The following NELL1 variants were observed in gnomAD, a reference collection of about 807,000 sequenced individuals.
NELL1 encodes protein kinase C-binding protein NELL1.
NELL1 carries 76 observed loss-of-function variants against 107.4 expected under a neutral mutation model. The ratio of observed to expected loss-of-function variants is 0.71; its 90% CI spans 0.59 to 0.86. The LOEUF (loss-of-function observed/expected upper bound fraction) is 0.86. Among genes scored for constraint, NELL1 ranks in the 40% least tolerant of loss-of-function variants. The pLI is 0.00. For synonymous variants in NELL1, 353 were observed against 341.2 expected (o/e 1.03, Z -0.38); for missense variants, 1,024 against 1,005.5 (o/e 1.02, Z -0.25).
chr11:21,559,922 G>C (rs1856808777), intron 16 of NELL1, among the ~76,000 whole-genome samples: 1 of 152,084 alleles, frequency 6.6e-6, no homozygotes. Flanking sequence ...TCTCAGATCA[G>C]CCACTTACTA....
intron 14 of NELL1, among the ~76,000 whole-genome samples, chr11:21,237,973 C>A (rs1336528923): frequency 2.0e-5 from 3 of 152,060 alleles, no homozygotes; most frequent in Admixed American, 6.6e-5. Flanking sequence ...CAGTCCCAAC[C>A]TCTTCCCTGA....
At chr11:21,555,021 C>T (rs1856672774) in intron 16 of NELL1, among the ~76,000 whole-genome samples, 1 of 152,008 alleles carries the variant, frequency 6.6e-6, no homozygotes, top group African/African-American at 2.4e-5. Flanking sequence ...TTAGGATATA[C>T]AAATATTTTT....
At chr11:20,722,017 C>T (rs948816899) in intron 2 of NELL1, among the ~76,000 whole-genome samples, 1 of 138,514 alleles carries the variant, frequency 7.2e-6, no homozygotes, top group African/African-American at 2.6e-5. Context: ...TTCTGAGTCT[C>T]TCTTTTTTTT....
chr11:21,550,436 A>G (rs1856551585), intron 16 of NELL1, among the ~76,000 whole-genome samples: 1 of 151,980 alleles, frequency 6.6e-6, no homozygotes, highest in African/African-American at 2.4e-5. Flanking sequence ...CCTGAATGGT[A>G]ATACCTAGGT....
chr11:20,795,190 A>T (rs1857146650), intron 3 of NELL1, among the ~76,000 whole-genome samples: 1 of 152,188 alleles, frequency 6.6e-6, no homozygotes, highest in Non-Finnish European at 1.5e-5. Flanking sequence ...ACGAGGAGTG[A>T]ACTTCTTGGC....
chr11:21,202,379 T>C (rs1266360873), intron 13 of NELL1, among the ~76,000 whole-genome samples: 1 of 152,232 alleles, frequency 6.6e-6, no homozygotes, highest in Non-Finnish European at 1.5e-5. Flanking sequence ...CAGGAATTTA[T>C]CTATTTCTTC....
intron 14 of NELL1, among the ~76,000 whole-genome samples, chr11:21,280,852 C>A (rs1565145833): frequency 6.6e-6 from 1 of 152,004 alleles, no homozygotes; most frequent in Non-Finnish European, 1.5e-5. Context: ...ATTTAAGGTT[C>A]CAAAGCCTAG....
intron 3 of NELL1, among the ~76,000 whole-genome samples, chr11:20,796,673 T>A (rs1053618469): frequency 6.6e-6 from 1 of 152,154 alleles, no homozygotes. Context: ...AGCTGTCTTG[T>A]CAGCATCATT....
At chr11:21,338,217 T>C (rs897930811) in intron 14 of NELL1, among the ~76,000 whole-genome samples, 5 of 152,160 alleles carry the variant, frequency 3.3e-5, no homozygotes, top group African/African-American at 1.2e-4. Flanking sequence ...TGGGAATTGA[T>C]TGAATATTGT....
intron 12 of NELL1, among the ~76,000 whole-genome samples, chr11:21,052,646 C>A (rs573191718): frequency 1.3e-4 from 20 of 152,090 alleles, no homozygotes; most frequent in Non-Finnish European, 2.8e-4. Flanking sequence ...ATATTTGGGA[C>A]TCTGGAGAGT....
intron 14 of NELL1, among the ~76,000 whole-genome samples, chr11:21,354,713 T>G (rs2133726214): frequency 6.6e-6 from 1 of 152,350 alleles, no homozygotes; most frequent in South Asian, 2.1e-4. Flanking sequence ...TCTTGAGAAC[T>G]CTGGTCCACC....
intron 4 of NELL1, among the ~76,000 whole-genome samples, chr11:20,854,348 G>T (rs909968038): frequency 6.6e-6 from 1 of 152,134 alleles, no homozygotes; most frequent in Non-Finnish European, 1.5e-5. Flanking sequence ...CTACCCTTCT[G>T]GGTGTACCTC....
chr11:21,249,288 T>C (rs917403567), intron 14 of NELL1, among the ~76,000 whole-genome samples: 1 of 152,160 alleles, frequency 6.6e-6, no homozygotes, highest in Non-Finnish European at 1.5e-5. Context: ...AAGACAGTGT[T>C]TTAGATGGAA....
In NELL1 at chr11:21,234,301, G is replaced by A. The variant is rs754814263; in HGVS notation, c.1549+4847G>A. Among the ~76,000 whole-genome samples, 21 of 152,114 alleles carry A rather than the reference G, an allele frequency of 1.4e-4. 1 individual carries two copies. The South Asian group carries it at 1.4e-3, about 11-fold the overall frequency. On this transcript the variant is annotated intron_variant, in intron 14 of 19. Transcript: ENST00000357134. Reference sequence around the variant, plus strand: ...CCCATGATCTCTCTCTTCTCCTGTCGTGGAGTTTTGTAGTTGCTATTTAAT... The same window carrying A: ...CCCATGATCTCTCTCTTCTCCTGTCATGGAGTTTTGTAGTTGCTATTTAAT...
intron 10 of NELL1, among the ~76,000 whole-genome samples, chr11:20,943,196 T>C (rs1409971208): frequency 6.6e-6 from 1 of 152,206 alleles, no homozygotes; most frequent in Non-Finnish European, 1.5e-5. Flanking sequence ...TTATTGTCTT[T>C]CTATAGTTAT....
At position 21,341,612 on chromosome 11, in the gene NELL1, G is replaced by A. The variant is rs149485502; in HGVS notation, c.1550-29241G>A. 2.3e-3 allele frequency among the ~76,000 whole-genome samples: 349 copies of A among 152,252 alleles called. 3 individuals are homozygous for A. Among genetic ancestry groups the A allele is most frequent in the Middle Eastern group, 6.8e-3 (2 of 294 alleles). On this transcript the variant is annotated intron_variant, in intron 14 of 19. Transcript: ENST00000357134. Reference sequence around the variant, plus strand: ...AAGGATAATTTCTCCAGCTAAGAGCGCATGGCCAGTAGCTGAAACTGTTCC... The same window carrying A: ...AAGGATAATTTCTCCAGCTAAGAGCACATGGCCAGTAGCTGAAACTGTTCC...
At chr11:21,053,597 A>C (rs1043805247) in intron 12 of NELL1, among the ~76,000 whole-genome samples, 1 of 152,144 alleles carries the variant, frequency 6.6e-6, no homozygotes, top group Admixed American at 6.6e-5. Flanking sequence ...TAGAAGTAGC[A>C]GATGGTGCTA....
At chr11:21,176,934 T>A (rs761571662) in intron 13 of NELL1, among the ~76,000 whole-genome samples, 23 of 151,776 alleles carry the variant, frequency 1.5e-4, no homozygotes, top group Non-Finnish European at 3.2e-4. Flanking sequence ...TGTTATTTGG[T>A]CAAGTCGAGT....
At chr11:20,927,227 T>A (rs918304726) in intron 7 of NELL1, 81 bp from the exon 8 acceptor site, 2 of 1,340,332 alleles carry the variant, frequency 1.5e-6, no homozygotes, top group East Asian at 2.4e-5. Flanking sequence ...CTCAGAAGGA[T>A]TTTTTTTCTT....
Sources: allele counts gnomAD v4.1 joint callset (sites outside exome capture counted in the v4.1 genomes callset), GRCh38; gene constraint gnomAD v4.1.1; transcripts MANE v1.5; gene names NCBI Gene and HGNC (gene_info 2026-07-23, HGNC 2026-07-21).